CIBAR2: variants seen among roughly 807,000 people sequenced by gnomAD.
The protein encoded by CIBAR2 is CBY1 interacting BAR domain containing 2, also known as CBY1-interacting BAR domain-containing protein 2.
In CIBAR2, 38 loss-of-function variants were observed where a neutral mutation model predicts 36.2. That is an observed-to-expected ratio of 1.05 (90% CI 0.81 to 1.38). The LOEUF (loss-of-function observed/expected upper bound fraction) is 1.38. Among genes scored for constraint, CIBAR2 ranks in the 40% most tolerant of loss-of-function variants. CIBAR2 has a pLI of 0.00. For synonymous variants in CIBAR2, 182 were observed against 149.5 expected (o/e 1.22, Z -1.58); for missense variants, 481 against 383.4 (o/e 1.25, Z -2.13).
intron 2 of CIBAR2, among the ~76,000 whole-genome samples, chr16:85,108,930 G>C (rs983226613): frequency 6.6e-6 from 1 of 152,000 alleles, no homozygotes; most frequent in Non-Finnish European, 1.5e-5. Flanking sequence ...TTACAATCGG[G>C]AATGTCTTTG....
At chr16:85,110,202 C>G in intron 2 of CIBAR2, 24 bp downstream of exon 2, 1 of 1,526,568 alleles carries the variant, frequency 6.6e-7, no homozygotes, top group Non-Finnish European at 8.8e-7. Flanking sequence ...CTCAGCATCC[C>G]AGACCCGGGC....
intron 4 of CIBAR2, 48 bp from the exon 5 acceptor site, chr16:85,107,720 T>C (rs761056032): frequency 1.2e-6 from 2 of 1,612,624 alleles, no homozygotes; most frequent in Non-Finnish European, 1.7e-6. Flanking sequence ...GGCAGCCCCG[T>C]TGGGGTGGTC....
intron 1 of CIBAR2, 29 bp downstream of exon 1, chr16:85,112,304 C>G: frequency 1.2e-6 from 2 of 1,613,154 alleles, no homozygotes; most frequent in East Asian, 4.5e-5. Context: ...CCACCTCCCT[C>G]ACAGCCAGGC....
At chr16:85,102,359 A>G (rs199822590) in intron 6 of CIBAR2, 32 bp from the exon 7 acceptor site, 2 of 1,364,060 alleles carry the variant, frequency 1.5e-6, no homozygotes, top group Non-Finnish European at 2.1e-6. Context: ...GAATGTAAGC[A>G]TCGCAGTGAG....
chr16:85,110,020 C>T (rs1056468336), intron 2 of CIBAR2, among the ~76,000 whole-genome samples: 7 of 152,138 alleles, frequency 4.6e-5, no homozygotes, highest in African/African-American at 1.2e-4. Context: ...ACCCTTCATC[C>T]GACTCAGCAA....
intron 6 of CIBAR2, among the ~76,000 whole-genome samples, chr16:85,104,313 G>C (rs540672940): frequency 1.9e-4 from 29 of 152,228 alleles, no homozygotes; most frequent in Non-Finnish European, 3.1e-4. Flanking sequence ...GCCTGAGCCA[G>C]GGCTTCAGGA....
rs372377482 is a variant in CIBAR2 at position 85,102,245 on chromosome 16, A to C, written c.620T>G (p.Leu207Arg). Residue 207 changes from leucine to arginine, a missense_variant, in exon 7 of 9, where the codon CTG becomes CGG. By Grantham distance (102) the Leu-to-Arg change is moderately radical. Coordinates refer to ENST00000539556, the MANE Select transcript of CIBAR2 (RefSeq NM_198491.3). Reference protein sequence around the residue: ...VEVYSSAFQTLEKYDLERDLL... With the variant: ...VEVYSSAFQTREKYDLERDLL... ...ATCCCTCTCCAGGTCATACTTCTCC[A>C]GGGTCTGGAAGGCGCTAGAATACAC... 91 of 1,611,102 alleles carry C rather than the reference A, an allele frequency of 5.6e-5. No individual in the cohort carries two copies. Among genetic ancestry groups the C allele is most frequent in the Non-Finnish European group, 7.3e-5 (86 of 1,177,330 alleles).
chr16:85,107,967 T>C lies in CIBAR2; in HGVS notation c.325-20A>G, dbSNP rs200655439. ...CTCAGCCTGCAGAAAAGGAGGAGGG[T>C]TGTTTCCTGGGATCCCACAGGGCAA... On this transcript the variant is annotated intron_variant, in intron 3 of 8. Coordinates refer to ENST00000539556, the MANE Select transcript of CIBAR2 (RefSeq NM_198491.3). 6.3e-5 allele frequency: 101 copies of C among 1,613,526 alleles called. No individual in the cohort carries two copies. The African/African-American group carries it at 1.3e-3, about 20-fold the overall frequency.
Position 85,110,468 on chromosome 16 carries a change from G to T in CIBAR2, c.21-8C>A. On this transcript the variant is annotated splice_polypyrimidine_tract_variant and splice_region_variant and intron_variant, in intron 1 of 8. Transcript: ENST00000539556. ...ACCCTCACCTGGCTGTCCCTGTGGA[G>T]GCGGGGACCTGAGCAGCCATTCTGG... is the stretch of plus-strand genomic sequence containing the variant. The T allele has an allele frequency of 6.3e-7, 1 of 1,575,318 alleles. No homozygotes were observed.
chr16:85,103,272 C>T (rs984499074), intron 6 of CIBAR2, among the ~76,000 whole-genome samples: 2 of 152,164 alleles, frequency 1.3e-5, no homozygotes, highest in East Asian at 1.9e-4. Flanking sequence ...AGGCCCTCCT[C>T]GGATGCTGAA....
At chr16:85,102,415 G>A (rs950525743) in intron 6 of CIBAR2, 88 bp from the exon 7 acceptor site, 77 of 785,974 alleles carry the variant, frequency 9.8e-5, no homozygotes, top group East Asian at 2.4e-5. Context: ...GGGTGGGGGT[G>A]TGGAGGGCTG....
At chr16:85,108,415 G>C (rs1471023519) in intron 2 of CIBAR2, among the ~76,000 whole-genome samples, 2 of 152,196 alleles carry the variant, frequency 1.3e-5, no homozygotes, top group Non-Finnish European at 2.9e-5. Flanking sequence ...CAGAACTCAG[G>C]GAGTGTCATC....
intron 5 of CIBAR2, among the ~76,000 whole-genome samples, chr16:85,107,068 C>A (rs1006652009): frequency 1.3e-5 from 2 of 152,080 alleles, no homozygotes; most frequent in African/African-American, 2.4e-5. Context: ...ATCGCTTGAA[C>A]CCTGGAGGCG....
chr16:85,100,773 C>T (rs571258446), intron 7 of CIBAR2, among the ~76,000 whole-genome samples: 3 of 152,302 alleles, frequency 2.0e-5, no homozygotes, highest in South Asian at 2.1e-4. Flanking sequence ...GAGTGCCGGG[C>T]GCGGTGGCTC....
intron 5 of CIBAR2, among the ~76,000 whole-genome samples, chr16:85,106,792 C>T (rs2073999211): frequency 6.6e-6 from 1 of 152,208 alleles, no homozygotes; most frequent in Admixed American, 6.5e-5. Flanking sequence ...CAGAGCTCTC[C>T]AATCCTGAGC....
chr16:85,098,955 T>C lies in CIBAR2; in HGVS notation c.*230A>G, dbSNP rs2073932453. 2 of 465,176 alleles carry C rather than the reference T, an allele frequency of 4.3e-6. No individual in the cohort carries two copies. The highest frequency in any genetic ancestry group is 7.0e-6 in the Non-Finnish European group (2 of 285,510). 28.8% of individuals were successfully genotyped at this position (465,176 alleles called of 1,614,324 possible). ...AAATAGATAGCATAAAGAAAAACAA[T>C]CAAAACTTCAGGAAACATTGGATAC... On this transcript the variant is annotated 3_prime_UTR_variant, in exon 9 of 9. Coordinates refer to ENST00000539556, the MANE Select transcript of CIBAR2 (RefSeq NM_198491.3).
rs2073927430 is a variant in CIBAR2 at position 85,098,399 on chromosome 16, G to A, written c.*786C>T. 4 of 297,512 alleles carry A rather than the reference G, an allele frequency of 1.3e-5. No homozygotes were observed. Among genetic ancestry groups the A allele is most frequent in the Non-Finnish European group, 1.5e-5 (3 of 200,830 alleles). The allele number at this position is 297,512 out of a possible 1,614,324, so 18.4% of individuals were successfully genotyped here. A position where few individuals can be genotyped will look rare whatever the true frequency, so the allele number is the denominator to read the frequency against. Reference sequence around the variant, plus strand: ...TTTATTGAACACCTACTATATGCCAGGCACAGCGATCCCCCAGAGCAACCT... The same window carrying A: ...TTTATTGAACACCTACTATATGCCAAGCACAGCGATCCCCCAGAGCAACCT... On this transcript the variant is annotated 3_prime_UTR_variant, in exon 9 of 9. Transcript: ENST00000539556.
rs199676236 is a variant in CIBAR2 at position 85,108,098 on chromosome 16, A to G, written c.257T>C (p.Val86Ala). ...GACCACCTTGGTCTCCAGCCTCTCG[A>G]CCTGGGGGAGCGGGGACACCAGGGG... ...AKVQDYRQAQ[V>A]ERLETKVVNP... The change falls in exon 3 of 9, where the codon GTC becomes GCC. Residue 86 changes from valine to alanine, a missense_variant and splice_region_variant. Transcript: ENST00000539556. 385 of 1,609,634 alleles carry G rather than the reference A, an allele frequency of 2.4e-4. No homozygotes were observed. The highest frequency in any genetic ancestry group is 4.5e-5 in the East Asian group (2 of 44,816).
chr16:85,107,334 C>T (rs938265242), intron 5 of CIBAR2, among the ~76,000 whole-genome samples: 3 of 152,074 alleles, frequency 2.0e-5, no homozygotes, highest in African/African-American at 4.8e-5. Context: ...CTGTGCCCCA[C>T]GAGCTCCCAT....
Sources: allele counts gnomAD v4.1 joint callset (sites outside exome capture counted in the v4.1 genomes callset), GRCh38; gene constraint gnomAD v4.1.1; transcripts MANE v1.5; gene names NCBI Gene and HGNC (gene_info 2026-07-23, HGNC 2026-07-21).